Variants in SLMAP observed in about 807,000 individuals in gnomAD.
SLMAP encodes sarcolemma associated protein.
Under a neutral mutation model 128.8 loss-of-function variants are expected in SLMAP, and 44 were observed. The ratio of observed to expected loss-of-function variants is 0.34; its 90% CI spans 0.27 to 0.44. The LOEUF (loss-of-function observed/expected upper bound fraction) is 0.44. SLMAP is among the 20% of genes least tolerant of loss of function. The pLI is 1.00. For missense variants in SLMAP, 787 were observed against 985.3 expected (o/e 0.80, Z 2.69); for synonymous variants, 327 against 348.8 (o/e 0.94, Z 0.70).
At chr3:57,833,888 A>G (rs2093485551) in intron 3 of SLMAP, among the ~76,000 whole-genome samples, 1 of 152,152 alleles carries the variant, frequency 6.6e-6, no homozygotes. Context: ...CTTGGGATAC[A>G]GCTGTGTCAC....
intron 2 of SLMAP, among the ~76,000 whole-genome samples, chr3:57,777,791 A>G (rs573210599): frequency 3.9e-5 from 6 of 152,250 alleles, no homozygotes; most frequent in Non-Finnish European, 7.3e-5. Flanking sequence ...AACTTTCAAC[A>G]TAAGTAAGGA....
intron 2 of SLMAP, among the ~76,000 whole-genome samples, chr3:57,793,776 T>A (rs2086055022): frequency 6.6e-6 from 1 of 152,022 alleles, no homozygotes; most frequent in East Asian, 1.9e-4. Flanking sequence ...GCTTATTTTT[T>A]AAAGCTGGTG....
At chr3:57,912,060 A>G (rs1004610246) in intron 19 of SLMAP, among the ~76,000 whole-genome samples, 1 of 152,166 alleles carries the variant, frequency 6.6e-6, no homozygotes, top group Non-Finnish European at 1.5e-5. Flanking sequence ...AGTTTCATCA[A>G]CAGAAGGATA....
rs200618505 is a variant in SLMAP at position 57,879,949 on chromosome 3, C to CA, written c.1300+8264dup. On this transcript the variant is annotated intron_variant, in intron 14 of 24. Transcript: ENST00000671191. Reference sequence around the variant, plus strand: ...AGGGAGACAGTGTGAGACTCTGTCTCAAAAAAAAAAAAATAAAAATAAAAA... The same window carrying CA: ...AGGGAGACAGTGTGAGACTCTGTCTCAAAAAAAAAAAAAATAAAAATAAAAA... Among the ~76,000 whole-genome samples the CA allele has an allele frequency of 8.2e-3, 884 of 108,210 alleles. 7 individuals carry two copies. The highest frequency in any genetic ancestry group is 0.023 in the African/African-American group (630 of 27,702). The allele number at this position is 108,210 out of a possible 152,430, so 71.0% of individuals were successfully genotyped here. A position where few individuals can be genotyped will look rare whatever the true frequency, so the allele number is the denominator to read the frequency against.
intron 15 of SLMAP, among the ~76,000 whole-genome samples, chr3:57,892,273 T>G (rs933174485): frequency 6.6e-6 from 1 of 152,186 alleles, no homozygotes; most frequent in African/African-American, 2.4e-5. Flanking sequence ...GGACTGAAAA[T>G]AGCAGTTGCC....
intron 14 of SLMAP, among the ~76,000 whole-genome samples, chr3:57,872,251 G>A (rs1385638082): frequency 6.6e-6 from 1 of 152,104 alleles, no homozygotes; most frequent in East Asian, 1.9e-4. Context: ...GCAGTGAGCC[G>A]AGATCGCACC....
At chr3:57,856,739 G>T (rs952663068) in intron 6 of SLMAP, among the ~76,000 whole-genome samples, 1 of 152,050 alleles carries the variant, frequency 6.6e-6, no homozygotes, top group African/African-American at 2.4e-5. Context: ...TGCATAAACT[G>T]ATAAAGTCAT....
At position 57,776,522 on chromosome 3, in the gene SLMAP, C is replaced by CTCTTT. The variant is rs571722815; in HGVS notation, c.198+18674_198+18675insCTTTT. 4.9e-3 allele frequency among the ~76,000 whole-genome samples: 451 copies of CTCTTT among 92,638 alleles called. 8 individuals are homozygous for CTCTTT. The highest frequency in any genetic ancestry group is 0.02 in the African/African-American group (427 of 21,444). The allele number at this position is 92,638 out of a possible 152,430, so 60.8% of individuals were successfully genotyped here. A position where few individuals can be genotyped will look rare whatever the true frequency, so the allele number is the denominator to read the frequency against. On this transcript the variant is annotated intron_variant, in intron 2 of 24. Transcript: ENST00000671191. ...ATTTGTCCCTTCTCTCTCTCTCTCT[C>CTCTTT]TTTTTTTTTTTTTTTTTTTTTGAGA...
intron 2 of SLMAP, among the ~76,000 whole-genome samples, chr3:57,780,939 A>G (rs2082909957): frequency 6.6e-6 from 1 of 152,030 alleles, no homozygotes; most frequent in African/African-American, 2.4e-5. Context: ...CACCTTGCCC[A>G]GTAAAATTCT....
chr3:57,808,803 G>A (rs985184973), intron 2 of SLMAP, among the ~76,000 whole-genome samples: 1 of 152,180 alleles, frequency 6.6e-6, no homozygotes, highest in Non-Finnish European at 1.5e-5. Flanking sequence ...CTCAAGTCTT[G>A]AATATCCTTG....
In SLMAP at chr3:57,888,445, C is replaced by T. The variant is rs570538887; in HGVS notation, c.1301-1596C>T. Among the ~76,000 whole-genome samples, 31 of 151,918 alleles carry T rather than the reference C, an allele frequency of 2.0e-4. No individual in the cohort carries two copies. In the East Asian group the frequency reaches 4.1e-3, roughly 20 times the overall value. ...CATCCTGGCCAACATGGTGAAACCC[C>T]GTCTCTACTAAAAATACAAAAATTA... On this transcript the variant is annotated intron_variant, in intron 14 of 24. Transcript: ENST00000671191.
intron 2 of SLMAP, among the ~76,000 whole-genome samples, chr3:57,828,718 T>C (rs1195044156): frequency 6.6e-6 from 1 of 152,196 alleles, no homozygotes; most frequent in African/African-American, 2.4e-5. Context: ...GGTACCATGG[T>C]ATGCTTTGGA....
At chr3:57,813,027 G>T (rs1259763617) in intron 2 of SLMAP, among the ~76,000 whole-genome samples, 1 of 150,838 alleles carries the variant, frequency 6.6e-6, no homozygotes, top group Non-Finnish European at 1.5e-5. Flanking sequence ...GACCATTTAG[G>T]GTTTTCTACA....
At chr3:57,904,495 A>C (rs555713944) in intron 17 of SLMAP, among the ~76,000 whole-genome samples, 1 of 152,340 alleles carries the variant, frequency 6.6e-6, no homozygotes, top group South Asian at 2.1e-4. Flanking sequence ...CTCAGTATAC[A>C]TTTCTTATTT....
chr3:57,771,242 AGG>A (rs2080835856), intron 2 of SLMAP, among the ~76,000 whole-genome samples: 3 of 147,846 alleles, frequency 2.0e-5, no homozygotes, highest in Admixed American at 1.4e-4. Context: ...AGAGAGAGAG[AGG>A]GAGAGAGACT....
At chr3:57,781,112 G>T (rs1280987889) in intron 2 of SLMAP, among the ~76,000 whole-genome samples, 12 of 151,864 alleles carry the variant, frequency 7.9e-5, no homozygotes. Flanking sequence ...AGGCATGGTG[G>T]TACATGCCTG....
At chr3:57,906,666 GA>G (rs1206959758) in intron 17 of SLMAP, among the ~76,000 whole-genome samples, 40 of 24,726 alleles carry the variant, frequency 1.6e-3, no homozygotes, top group Non-Finnish European at 2.2e-3. Flanking sequence ...CTATGAATAT[GA>G]AAAAAAAATA....
intron 3 of SLMAP, 31 bp from the exon 4 acceptor site, chr3:57,841,268 T>C: frequency 7.5e-7 from 1 of 1,331,296 alleles, no homozygotes; most frequent in Non-Finnish European, 1.1e-6. Context: ...AAACAATTAT[T>C]TCATCCATAT....
At chr3:57,901,945 A>G (rs1200489286) in intron 17 of SLMAP, 2 of 152,238 alleles carry the variant, frequency 1.3e-5, no homozygotes, top group Non-Finnish European at 2.9e-5. Context: ...AGGCAGGAAA[A>G]TCGCTTGAAC....
Sources: gnomAD v4.1 joint callset for allele counts (sites outside exome capture counted in the v4.1 genomes callset) on GRCh38, gnomAD v4.1.1 for gene constraint, MANE v1.5 for transcripts, NCBI Gene and HGNC (gene_info 2026-07-23, HGNC 2026-07-21) for gene names.